The following CDKL3 variants were observed in gnomAD, a reference collection of about 807,000 sequenced individuals.
CDKL3 encodes cyclin-dependent kinase-like 3.
A neutral mutation model predicts 69.3 loss-of-function variants in CDKL3; 65 were observed. The ratio of observed to expected loss-of-function variants is 0.94; its 90% CI spans 0.77 to 1.15. The LOEUF is 1.15. Ranked by LOEUF, CDKL3 falls within the 50% of genes most tolerant of loss-of-function variation. CDKL3 has a pLI of 0.00. For synonymous variants in CDKL3, 202 were observed against 221.6 expected, an observed-to-expected ratio of 0.91 and a Z score of 0.79; for missense variants, 652 against 689.2, an observed-to-expected ratio of 0.95 and a Z score of 0.61.
chr5:134,320,382 G>A (rs907478424), intron 5 of CDKL3, among the ~76,000 whole-genome samples: 4 of 151,628 alleles, frequency 2.6e-5, no homozygotes, highest in Non-Finnish European at 4.4e-5. Flanking sequence ...TTGGGAGGCC[G>A]AGTCGGGCAA....
At chr5:134,292,094 A>G (rs776166093) in intron 8 of CDKL3, among the ~76,000 whole-genome samples, 3 of 152,234 alleles carry the variant, frequency 2.0e-5, no homozygotes, top group Non-Finnish European at 2.9e-5. Context: ...CAGTAAAGAT[A>G]TGATATTTAA....
At chr5:134,314,423 G>A (rs1770441165) in intron 6 of CDKL3, among the ~76,000 whole-genome samples, 1 of 152,176 alleles carries the variant, frequency 6.6e-6, no homozygotes, top group Non-Finnish European at 1.5e-5. Context: ...GCCTACCCAT[G>A]ACCCAGCCAT....
intron 2 of CDKL3, among the ~76,000 whole-genome samples, chr5:134,365,531 G>C (rs1203533222): frequency 6.6e-6 from 1 of 151,640 alleles, no homozygotes; most frequent in African/African-American, 2.4e-5. Context: ...TTCCTTAATT[G>C]AACTCCTAAC....
intron 8 of CDKL3, among the ~76,000 whole-genome samples, chr5:134,286,790 T>C (rs1342782678): frequency 6.6e-6 from 1 of 152,148 alleles, no homozygotes; most frequent in African/African-American, 2.4e-5. Flanking sequence ...CCTGCCCCCA[T>C]GATTCAATTA....
chr5:134,325,371 AGAT>A (rs1773879233), intron 4 of CDKL3, among the ~76,000 whole-genome samples: 1 of 152,244 alleles, frequency 6.6e-6, no homozygotes, highest in Non-Finnish European at 1.5e-5. Context: ...TTATAACCAT[AGAT>A]GATATAATAG....
upstream of CDKL3, among the ~76,000 whole-genome samples, chr5:134,370,349 G>C (rs1045627185): frequency 6.6e-6 from 1 of 152,200 alleles, no homozygotes; most frequent in Non-Finnish European, 1.5e-5. Context: ...TGAACCCCCT[G>C]GTGGTGGGGG....
chr5:134,290,611 G>A (rs184646409), intron 8 of CDKL3, among the ~76,000 whole-genome samples: 13 of 152,266 alleles, frequency 8.5e-5, no homozygotes, highest in Non-Finnish European at 1.5e-5. Context: ...GGCTGTGTAA[G>A]TTATTGTGAT....
rs1449372389 is a variant in CDKL3, at chr5:134,308,391, A to C, written c.1111T>G (p.Ser371Ala). The C allele has an allele frequency of 1.2e-6, 2 of 1,613,488 alleles. No homozygotes were observed. The highest frequency in any genetic ancestry group is 2.2e-5 in the South Asian group (2 of 91,078). ...TCATACTCTTTCTTTTTTGGTTCTG[A>C]GATATCTCCTCTTCCTCCTTTGACT... is the stretch of plus-strand genomic sequence containing the variant. ...IKVKGGRGDI[S>A]EPKKKEYEGG... is the part of the protein sequence containing the mutation. The change falls in exon 9 of 13, where the codon TCA becomes GCA. Residue 371 changes from serine (S) to alanine (A), a missense_variant. Physicochemically the swap from Ser to Ala is moderately conservative, Grantham distance 99 (BLOSUM62 1). Coordinates refer to ENST00000265334, the MANE Select transcript of CDKL3 (RefSeq NM_001113575.2).
intron 3 of CDKL3, among the ~76,000 whole-genome samples, chr5:134,356,916 T>C (rs1754752350): frequency 6.6e-6 from 1 of 152,220 alleles, no homozygotes; most frequent in Non-Finnish European, 1.5e-5. Flanking sequence ...GGGAGTATCG[T>C]ATTACTGGTA....
chr5:134,300,075 A>C (rs759716011), intron 12 of CDKL3, among the ~76,000 whole-genome samples: 1 of 152,200 alleles, frequency 6.6e-6, no homozygotes, highest in Non-Finnish European at 1.5e-5. Context: ...GTGGTGGCTC[A>C]CACCTGTAAT....
rs373778256 is a variant in CDKL3, at chr5:134,366,388, T to A, written c.136A>T (p.Ile46Phe). Reference sequence around the variant, plus strand: ...AGAAACTTTATTTCTCTCATCGCAATTTTGTTGACAGATTGTTCTGGTCTC... The same window carrying A: ...AGAAACTTTATTTCTCTCATCGCAAATTTGTTGACAGATTGTTCTGGTCTC... ...YERPEQSVNK[I>F]AMREIKFLKQ... Residue 46 changes from isoleucine (I) to phenylalanine (F), a missense_variant, in exon 2 of 13, where the codon ATT becomes TTT. Transcript: ENST00000265334. 6 of 1,585,474 alleles carry A rather than the reference T, an allele frequency of 3.8e-6. No individual in the cohort carries two copies. The African/African-American group carries it at 8.1e-5, about 21-fold the overall frequency.
At chr5:134,313,278 G>GC (rs1770077929) in intron 6 of CDKL3, among the ~76,000 whole-genome samples, 1 of 152,100 alleles carries the variant, frequency 6.6e-6, no homozygotes. Flanking sequence ...GTGCAGTGGT[G>GC]CAATTATAGC....
downstream of CDKL3, among the ~76,000 whole-genome samples, chr5:134,295,061 C>T (rs895313765): frequency 7.8e-6 from 1 of 128,684 alleles, no homozygotes; most frequent in Admixed American, 9.5e-5. Context: ...GTTGCCTAGG[C>T]TGGAGTGAAG....
At chr5:134,353,266 C>T (rs573983664) in intron 3 of CDKL3, among the ~76,000 whole-genome samples, 4 of 152,190 alleles carry the variant, frequency 2.6e-5, no homozygotes, top group South Asian at 4.1e-4. Context: ...AAACTAAAAG[C>T]GTCTTCTTCT....
intron 4 of CDKL3, among the ~76,000 whole-genome samples, chr5:134,346,778 G>A: frequency 6.6e-6 from 1 of 152,262 alleles, no homozygotes; most frequent in East Asian, 1.9e-4. Context: ...TTACAGGCAT[G>A]AGCCACCGTG....
At chr5:134,334,729 C>T (rs1284469602) in intron 4 of CDKL3, among the ~76,000 whole-genome samples, 2 of 152,138 alleles carry the variant, frequency 1.3e-5, no homozygotes, top group African/African-American at 4.8e-5. Context: ...TGTTTTACTT[C>T]CAATTATGTG....
chr5:134,366,473 T>C lies in CDKL3; in HGVS notation c.51A>G (p.Thr17=). 6.2e-7 allele frequency: 1 copy of C among 1,609,340 alleles called. No individual in the cohort carries two copies. Among genetic ancestry groups the C allele is most frequent in the Non-Finnish European group, 8.5e-7 (1 of 1,177,910 alleles). ...LGKVGEGSYG[T]VMKCKHKNTG... ...TATTCTTATGTTTACATTTCATGAC[T>C]GTTCCGTAACTTCCCTCTCCCACTT... The change falls in exon 2 of 13, where the codon ACA becomes ACG. Residue 17 remains threonine, a synonymous_variant. Transcript: ENST00000265334.
At chr5:134,349,252 G>A (rs769752629) in intron 4 of CDKL3, among the ~76,000 whole-genome samples, 2 of 152,010 alleles carry the variant, frequency 1.3e-5, no homozygotes, top group African/African-American at 2.4e-5. Context: ...TTCTAGGAAA[G>A]GCACAAGAAT....
At chr5:134,353,224 T>C (rs1753749065) in intron 3 of CDKL3, among the ~76,000 whole-genome samples, 1 of 152,196 alleles carries the variant, frequency 6.6e-6, no homozygotes, top group African/African-American at 2.4e-5. Flanking sequence ...CCCACAAAAC[T>C]AAGTACAGGC....
Sources: allele counts gnomAD v4.1 joint callset (sites outside exome capture counted in the v4.1 genomes callset), GRCh38; gene constraint gnomAD v4.1.1; transcripts MANE v1.5; gene names NCBI Gene and HGNC (gene_info 2026-07-23, HGNC 2026-07-21).